Variants in APEX2 observed in about 807,000 individuals in gnomAD.
APEX2 encodes DNA-(apurinic or apyrimidinic site) endonuclease 2.
In APEX2, 4 loss-of-function variants were observed where a neutral mutation model predicts 16.7. The ratio of observed to expected loss-of-function variants is 0.24; its 90% confidence interval spans 0.12 to 0.55. APEX2 has a LOEUF of 0.55. Ranked by LOEUF, APEX2 falls within the 20% of genes least tolerant of loss-of-function variation. The pLI, the probability that APEX2 is intolerant of heterozygous loss-of-function variation, is 0.94. For missense variants in APEX2, 357 were observed against 433.6 expected (o/e 0.82, Z 1.57); for synonymous variants, 181 against 166.9 (o/e 1.08, Z -0.65).
In APEX2 at chrX:55,002,246, C is replaced by G; in HGVS notation, c.242-5C>G. 8.4e-7 allele frequency: 1 copy of G among 1,187,040 alleles called. No individual in the cohort carries two copies. Among genetic ancestry groups the G allele is most frequent in the Non-Finnish European group, 1.1e-6 (1 of 884,697 alleles). ...GTCTGCTCAGAGTGCCCTGTCTGTT[C>G]CCAGGTGTAGCCACCTTCTGTAAGG... On this transcript the variant is annotated splice_polypyrimidine_tract_variant and splice_region_variant and intron_variant, in intron 2 of 5. Transcript: ENST00000374987.
chrX:55,002,050 G>A (rs28382678), intron 2 of APEX2, among the ~76,000 whole-genome samples: 1,690 of 112,684 alleles, frequency 0.015, 37 homozygotes, highest in African/African-American at 0.053. Flanking sequence ...CACTCACCAT[G>A]TATCAATGTA....
At position 55,006,954 on chromosome X, in the gene APEX2, A is replaced by G. The variant is rs1935508847; in HGVS notation, c.1076A>G (p.His359Arg). ...GTGTTGGAGCAGTCGACGCTGCAGC[A>G]CAACAATCAAACCCGGGTACAGACA... is the stretch of plus-strand genomic sequence containing the variant. ...SPVLEQSTLQ[H>R]NNQTRVQTCQ... is the part of the protein sequence containing the mutation. Residue 359 changes from histidine (H) to arginine (R), a missense_variant, in exon 6 of 6, where the codon CAC becomes CGC. Coordinates refer to ENST00000374987, the MANE Select transcript of APEX2 (RefSeq NM_014481.4). 8.3e-7 allele frequency: 1 copy of G among 1,210,365 alleles called. No homozygotes were observed. The highest frequency in any genetic ancestry group is 1.7e-5 in the African/African-American group (1 of 57,217).
intron 5 of APEX2, among the ~76,000 whole-genome samples, chrX:55,004,444 G>A (rs28382688): frequency 0.019 from 2,092 of 112,109 alleles, 35 homozygotes; most frequent in African/African-American, 0.064. Flanking sequence ...GAGTTGTTGG[G>A]GGTCAGATTT....
intron 4 of APEX2, 86 bp from the exon 5 acceptor site, chrX:55,003,713 C>A: frequency 1.1e-6 from 1 of 890,524 alleles, no homozygotes. Flanking sequence ...TGGGAGAGGG[C>A]CTGTCTGAGC....
At position 55,007,626 on chromosome X, in the gene APEX2, G is replaced by A; in HGVS notation, c.*191G>A. 2 of 442,802 alleles carry A rather than the reference G, an allele frequency of 4.5e-6. No individual in the cohort carries two copies. Among genetic ancestry groups the A allele is most frequent in the Middle Eastern group, 6.5e-4 (1 of 1,529 alleles). 36.5% of individuals were successfully genotyped at this position (442,802 alleles called of 1,213,427 possible). On this transcript the variant is annotated 3_prime_UTR_variant, in exon 6 of 6. Transcript: ENST00000374987. Reference sequence around the variant, plus strand: ...GGTGAGCTTCTTGTGCCTTAATCCTGTGACCCAGCCCCTTACACCACTTTC... The same window carrying A: ...GGTGAGCTTCTTGTGCCTTAATCCTATGACCCAGCCCCTTACACCACTTTC...
chrX:55,002,132 A>G (rs905310081), intron 2 of APEX2, 119 bp from the exon 3 acceptor site: 165 of 764,663 alleles, frequency 2.2e-4, no homozygotes, highest in Non-Finnish European at 2.7e-4. Context: ...AAGGTTGCCC[A>G]AGAACCACAC....
chrX:55,002,319 G>A lies in APEX2; in HGVS notation c.310G>A (p.Ala104Thr). The change falls in exon 3 of 6, where the codon GCC (alanine) becomes ACC (threonine). Residue 104 changes from alanine to threonine, a missense_variant. Physicochemically the swap from Ala to Thr is moderately conservative, Grantham distance 58. Coordinates refer to ENST00000374987, the MANE Select transcript of APEX2 (RefSeq NM_014481.4). ...TGAAGAAGGCCTGAGTGGCCTGTTT[G>A]CCACCCAGAATGGGGATGTTGGTTG... Reference protein sequence around the residue: ...AAEEGLSGLFATQNGDVGCYG... With the variant: ...AAEEGLSGLFTTQNGDVGCYG... 1 of 1,211,186 alleles carries A rather than the reference G, an allele frequency of 8.3e-7. No homozygotes were observed. Among genetic ancestry groups the A allele is most frequent in the South Asian group, 1.8e-5 (1 of 56,795 alleles).
intron 2 of APEX2, 106 bp from the exon 3 acceptor site, chrX:55,002,145 T>C: frequency 1.2e-6 from 1 of 838,117 alleles, no homozygotes; most frequent in East Asian, 3.6e-5. Flanking sequence ...AACCACACTT[T>C]ATGAAGATGA....
At chrX:55,000,949 C>A (rs913014167) in intron 1 of APEX2, among the ~76,000 whole-genome samples, 1 of 109,280 alleles carries the variant, frequency 9.2e-6, no homozygotes, top group Non-Finnish European at 1.9e-5. Context: ...ATTCCCACCC[C>A]ATCTTTGACC....
intron 5 of APEX2, 63 bp from the exon 6 acceptor site, chrX:55,006,455 C>A: frequency 1.0e-6 from 1 of 969,665 alleles, no homozygotes; most frequent in Non-Finnish European, 1.3e-6. Context: ...GTCTAAGTCC[C>A]TTCCAGTTCT....
chrX:55,002,783 C>T (rs1325543986), intron 3 of APEX2, among the ~76,000 whole-genome samples, 179 bp from the exon 4 acceptor site: 1 of 112,049 alleles, frequency 8.9e-6, no homozygotes, highest in Non-Finnish European at 1.9e-5. Flanking sequence ...TTAGATATCC[C>T]TCTCCCTGCC....
In APEX2 at chrX:55,007,414, C is replaced by T. The variant is rs1043547564; in HGVS notation, c.1536C>T (p.Phe512=). The T allele has an allele frequency of 7.7e-6, 9 of 1,170,128 alleles. No homozygotes were observed. Among genetic ancestry groups the T allele is most frequent in the Non-Finnish European group, 1.0e-5 (9 of 873,441 alleles). ...PTDPSSRCNF[F]LWSRPS Reference sequence around the variant, plus strand: ...ACCCCTCCTCCCGGTGCAACTTCTTCCTCTGGAGCAGGCCCAGCTGAACCA... The same window carrying T: ...ACCCCTCCTCCCGGTGCAACTTCTTTCTCTGGAGCAGGCCCAGCTGAACCA... Residue 512 remains phenylalanine, a synonymous_variant, in exon 6 of 6, where the codon TTC becomes TTT. Coordinates refer to ENST00000374987, the MANE Select transcript of APEX2 (RefSeq NM_014481.4).
At chrX:55,001,670 G>C in intron 2 of APEX2, 41 bp downstream of exon 2, 539 of 999,202 alleles carry the variant, frequency 5.4e-4, no homozygotes, top group Non-Finnish European at 6.6e-4. Flanking sequence ...AGTGAGGGAG[G>C]CAGATAGGGG....
rs777799996 is a variant in APEX2, at chrX:55,007,143, T to C, written c.1265T>C (p.Met422Thr). Residue 422 changes from methionine (M) to threonine (T), a missense_variant, in exon 6 of 6, where the codon ATG (methionine) becomes ACG (threonine). Coordinates refer to ENST00000374987, the MANE Select transcript of APEX2 (RefSeq NM_014481.4). ...LPSLPLMSAL[M>T]TPKTPEEKAV... ...AGCCTACCACTGATGAGCGCCCTCA[T>C]GACCCCGAAGACTCCAGAAGAGAAG... The C allele has an allele frequency of 8.3e-7, 1 of 1,211,865 alleles. No homozygotes were observed. Among genetic ancestry groups the C allele is most frequent in the Non-Finnish European group, 1.1e-6 (1 of 895,540 alleles).
At chrX:55,002,822 G>T in intron 3 of APEX2, 140 bp from the exon 4 acceptor site, 1 of 663,394 alleles carries the variant, frequency 1.5e-6, no homozygotes, top group Non-Finnish European at 2.2e-6. Context: ...CAAGTCCTGT[G>T]CATGCCAGAT....
rs1272782359 is a variant in APEX2, at chrX:55,008,961, C to T, written c.*1526C>T. 4.7e-6 allele frequency: 2 copies of T among 426,288 alleles called. No homozygotes were observed. The highest frequency in any genetic ancestry group is 8.1e-6 in the Non-Finnish European group (2 of 245,891). The allele number at this position is 426,288 out of a possible 1,213,427, so 35.1% of individuals were successfully genotyped here. A position where few individuals can be genotyped will look rare whatever the true frequency, so the allele number is the denominator to read the frequency against. ...CCTGTTGGTAAAATGGAATGGTGACCAACAAGTGACCTATGGTTACCTCAT... is the reference window on the plus strand; with the variant it reads ...CCTGTTGGTAAAATGGAATGGTGACTAACAAGTGACCTATGGTTACCTCAT... On this transcript the variant is annotated 3_prime_UTR_variant, in exon 6 of 6. Transcript: ENST00000374987.
rs780178393 is a variant in APEX2, at chrX:55,006,743, A to G, written c.865A>G (p.Thr289Ala). The G allele has an allele frequency of 1.9e-5, 23 of 1,198,509 alleles. No homozygotes were observed. The South Asian group carries it at 3.5e-4, about 18-fold the overall frequency. The change falls in exon 6 of 6, where the codon ACC becomes GCC. Residue 289 changes from threonine (T) to alanine (A), a missense_variant. Transcript: ENST00000374987. ...VLGDRTLVID[T>A]FQASFLLPEV... ...GGGGGACAGGACCCTGGTCATAGAC[A>G]CCTTTCAGGCCTCTTTCCTGCTGCC... is the stretch of plus-strand genomic sequence containing the variant.
Position 55,007,232 on chromosome X carries a change from C to T in APEX2, c.1354C>T (p.Arg452Trp), listed in dbSNP as rs147390902. 289 of 1,210,788 alleles carry T rather than the reference C, an allele frequency of 2.4e-4. No homozygotes were observed. Among genetic ancestry groups the T allele is most frequent in the Non-Finnish European group, 3.0e-4 (267 of 895,397 alleles). ...TSEAKDEKEL[R>W]TSFWKSVLAG... ...AGAAGCCAAAGATGAGAAGGAGTTA[C>T]GGACCTCATTCTGGAAGTCTGTGCT... is the stretch of plus-strand genomic sequence containing the variant. Residue 452 changes from arginine to tryptophan, a missense_variant, in exon 6 of 6, where the codon CGG (arginine) becomes TGG (tryptophan). By Grantham distance (101) the Arg-to-Trp change is moderately radical (BLOSUM62 -3). Transcript: ENST00000374987.
Position 55,003,015 on chromosome X carries a change from A to T in APEX2, c.476A>T (p.His159Leu). 8.3e-7 allele frequency: 1 copy of T among 1,211,560 alleles called. No homozygotes were observed. Among genetic ancestry groups the T allele is most frequent in the Non-Finnish European group, 1.1e-6 (1 of 895,335 alleles). ...TLTLINVYCP[H>L]ADPGRPERLV... Reference sequence around the variant, plus strand: ...ACCCTAATCAACGTGTACTGCCCCCATGCGGACCCTGGGAGGCCTGAGCGG... The same window carrying T: ...ACCCTAATCAACGTGTACTGCCCCCTTGCGGACCCTGGGAGGCCTGAGCGG... The change falls in exon 4 of 6, where the codon CAT becomes CTT. Residue 159 changes from histidine to leucine, a missense_variant. Physicochemically the swap from His to Leu is moderately conservative, Grantham distance 99. Transcript: ENST00000374987.
Sources: allele counts gnomAD v4.1 joint callset (sites outside exome capture counted in the v4.1 genomes callset), GRCh38; gene constraint gnomAD v4.1.1; transcripts MANE v1.5; gene names NCBI Gene and HGNC (gene_info 2026-07-23, HGNC 2026-07-21).